Variants in CNOT4 observed in about 807,000 individuals in gnomAD.
The protein encoded by CNOT4 is CCR4-NOT transcription complex subunit 4.
A neutral mutation model predicts 73.8 loss-of-function variants in CNOT4; 8 were observed. That is an observed-to-expected ratio of 0.11 (90% confidence interval 0.06 to 0.20). The LOEUF is 0.20. Ranked by LOEUF, CNOT4 falls within the 10% of genes least tolerant of loss-of-function variation. The pLI is 1.00. For missense variants in CNOT4, 564 were observed against 883.4 expected (o/e 0.64, Z 4.58); for synonymous variants, 293 against 321.1 (o/e 0.91, Z 0.94).
chr7:135,392,318 CAT>C (rs1407989880), intron 10 of CNOT4, among the ~76,000 whole-genome samples: 2 of 152,100 alleles, frequency 1.3e-5, no homozygotes, highest in African/African-American at 2.4e-5. Flanking sequence ...ATATGTCCCA[CAT>C]GTCCTAATTC....
At chr7:135,365,527 T>C (rs1465430220) in intron 10 of CNOT4, among the ~76,000 whole-genome samples, 1 of 152,046 alleles carries the variant, frequency 6.6e-6, no homozygotes, top group East Asian at 1.9e-4. Context: ...ATTTACTAGA[T>C]AAAGAAACAG....
At chr7:135,475,788 G>A (rs570496679) in intron 1 of CNOT4, among the ~76,000 whole-genome samples, 58 of 152,218 alleles carry the variant, frequency 3.8e-4, no homozygotes, top group African/African-American at 2.4e-4. Context: ...GTGCACACCC[G>A]TAGTCCCAGC....
chr7:135,421,239 C>G (rs1167274982), intron 3 of CNOT4, among the ~76,000 whole-genome samples: 1 of 152,126 alleles, frequency 6.6e-6, no homozygotes, highest in African/African-American at 2.4e-5. Context: ...CCTTCTGGGG[C>G]CTTTAACACG....
At chr7:135,451,510 C>A (rs1457086175) in intron 1 of CNOT4, among the ~76,000 whole-genome samples, 1 of 152,084 alleles carries the variant, frequency 6.6e-6, no homozygotes, top group African/African-American at 2.4e-5. Context: ...ACAGGGTGGT[C>A]TCGAACTCCT....
intron 1 of CNOT4, among the ~76,000 whole-genome samples, chr7:135,447,435 T>C (rs1353358880): frequency 2.0e-5 from 3 of 152,318 alleles, no homozygotes; most frequent in East Asian, 3.9e-4. Flanking sequence ...TAGAAATCTA[T>C]CTACCTGACA....
At chr7:135,486,405 C>T (rs1191841297) in intron 1 of CNOT4, among the ~76,000 whole-genome samples, 1 of 152,066 alleles carries the variant, frequency 6.6e-6, no homozygotes, top group Non-Finnish European at 1.5e-5. Context: ...CTGGTAACAC[C>T]CTATCTGGCT....
At chr7:135,425,122 T>C (rs929067186) in intron 2 of CNOT4, among the ~76,000 whole-genome samples, 6 of 152,242 alleles carry the variant, frequency 3.9e-5, no homozygotes, top group East Asian at 1.9e-4. Context: ...CCATGCATAA[T>C]AGCACTCTAT....
chr7:135,380,908 C>A (rs1044296487), intron 10 of CNOT4, among the ~76,000 whole-genome samples: 2 of 152,136 alleles, frequency 1.3e-5, no homozygotes, highest in African/African-American at 4.8e-5. Flanking sequence ...CAATACAAAT[C>A]ATTTTTAAGT....
chr7:135,488,086 A>G (rs1563079098), intron 1 of CNOT4, among the ~76,000 whole-genome samples: 1 of 152,108 alleles, frequency 6.6e-6, no homozygotes, highest in Admixed American at 6.5e-5. Context: ...AAAAAAAAGA[A>G]AAAAAAAGCA....
At position 135,450,913 on chromosome 7, in the gene CNOT4, C is replaced by T. The variant is rs550028623; in HGVS notation, c.-92-12490G>A. ...CAGAGGTTGCAGTGAGCCGAGATCA[C>T]GCCACTGCACTCCAGCCTAGGTGAC... On this transcript the variant is annotated intron_variant, in intron 1 of 11. Coordinates refer to ENST00000541284, the MANE Select transcript of CNOT4 (RefSeq NM_001190850.2). 1.3e-4 allele frequency among the ~76,000 whole-genome samples: 19 copies of T among 151,926 alleles called. 1 individual carries two copies. The highest frequency in any genetic ancestry group is 2.7e-4 in the African/African-American group (11 of 41,362).
chr7:135,404,638 A>G (rs1398312462), intron 7 of CNOT4, among the ~76,000 whole-genome samples: 1 of 152,164 alleles, frequency 6.6e-6, no homozygotes, highest in Non-Finnish European at 1.5e-5. Context: ...GACCATTCCC[A>G]TTCTGCTGAA....
intron 1 of CNOT4, among the ~76,000 whole-genome samples, chr7:135,504,756 G>T (rs1166282597): frequency 1.0e-5 from 1 of 99,278 alleles, no homozygotes; most frequent in African/African-American, 4.5e-5. Flanking sequence ...AAAGTGCTGG[G>T]ATTACAGGCG....
chr7:135,370,914 C>A (rs1795169640), intron 10 of CNOT4, among the ~76,000 whole-genome samples: 1 of 152,086 alleles, frequency 6.6e-6, no homozygotes. Flanking sequence ...AAAACACAAG[C>A]AAATATACTT....
At chr7:135,465,114 T>G (rs967632355) in intron 1 of CNOT4, among the ~76,000 whole-genome samples, 2 of 152,230 alleles carry the variant, frequency 1.3e-5, no homozygotes, top group Non-Finnish European at 2.9e-5. Context: ...CTGGTGTATT[T>G]CCTAAGCTGC....
chr7:135,417,406 T>C (rs1797929342), intron 3 of CNOT4, among the ~76,000 whole-genome samples: 1 of 152,244 alleles, frequency 6.6e-6, no homozygotes, highest in Non-Finnish European at 1.5e-5. Flanking sequence ...TGTTTATATA[T>C]ACTTTTTCAA....
intron 1 of CNOT4, among the ~76,000 whole-genome samples, chr7:135,488,107 T>A: frequency 6.6e-6 from 1 of 151,614 alleles, no homozygotes; most frequent in South Asian, 2.1e-4. Flanking sequence ...TTCTTTAAAC[T>A]CTACATAAAT....
chr7:135,460,633 A>G (rs564452639), intron 1 of CNOT4, among the ~76,000 whole-genome samples: 67 of 152,324 alleles, frequency 4.4e-4, no homozygotes, highest in African/African-American at 1.5e-3. Context: ...ACCGTAACAG[A>G]CATAATAATC....
chr7:135,454,411 T>A (rs1800394059), intron 1 of CNOT4, among the ~76,000 whole-genome samples: 1 of 151,928 alleles, frequency 6.6e-6, no homozygotes, highest in Non-Finnish European at 1.5e-5. Context: ...CTCAGCACTC[T>A]GGGAGGCCAA....
At chr7:135,505,617 A>C (rs1215090402) in intron 1 of CNOT4, among the ~76,000 whole-genome samples, 1 of 152,148 alleles carries the variant, frequency 6.6e-6, no homozygotes, top group Non-Finnish European at 1.5e-5. Context: ...AAATAAACTC[A>C]TACTCAAACT....
Sources: allele counts gnomAD v4.1 joint callset (sites outside exome capture counted in the v4.1 genomes callset), GRCh38; gene constraint gnomAD v4.1.1; transcripts MANE v1.5; gene names NCBI Gene and HGNC (gene_info 2026-07-23, HGNC 2026-07-21).